SHB: variants seen among roughly 807,000 people sequenced by gnomAD.
The protein encoded by SHB is SH2 domain containing adaptor protein B.
SHB carries 20 observed loss-of-function variants against 52.3 expected under a neutral mutation model. The observed-to-expected ratio is 0.38, with a 90% CI of 0.27 to 0.56. SHB has a LOEUF of 0.56. Among genes scored for constraint, SHB ranks in the 20% least tolerant of loss-of-function variants. The pLI, the probability that SHB is intolerant of heterozygous loss-of-function variation, is 0.71. For synonymous variants in SHB, 397 were observed against 316.5 expected (o/e 1.25, Z -2.70); for missense variants, 825 against 723.3 (o/e 1.14, Z -1.61).
At chr9:37,920,099 G>T in intron 5 of SHB, 95 bp from the exon 6 acceptor site, 1 of 980,426 alleles carries the variant, frequency 1.0e-6, no homozygotes, top group Non-Finnish European at 1.6e-6. Context: ...AGGGATCCCA[G>T]CCATGAAGTG....
intron 1 of SHB, among the ~76,000 whole-genome samples, chr9:38,028,577 G>A (rs896896619): frequency 2.0e-5 from 3 of 152,194 alleles, no homozygotes; most frequent in African/African-American, 4.8e-5. Flanking sequence ...CACCAGAATT[G>A]CGAAGAGGAA....
intron 5 of SHB, among the ~76,000 whole-genome samples, chr9:37,939,409 T>C (rs1832411974): frequency 6.6e-6 from 1 of 152,232 alleles, no homozygotes; most frequent in Non-Finnish European, 1.5e-5. Context: ...TTCTGTAAAG[T>C]AGGAGCAATG....
intron 1 of SHB, among the ~76,000 whole-genome samples, chr9:38,041,834 T>C (rs1308536064): frequency 6.6e-6 from 1 of 152,168 alleles, no homozygotes; most frequent in East Asian, 1.9e-4. Context: ...AGTGCAAGCC[T>C]TCTGATTGCC....
At chr9:38,062,908 TAG>T (rs2118196656) in intron 1 of SHB, among the ~76,000 whole-genome samples, 1 of 152,332 alleles carries the variant, frequency 6.6e-6, no homozygotes, top group South Asian at 2.1e-4. Flanking sequence ...AGAGCTACAA[TAG>T]AGACAGCATG....
At chr9:37,994,599 A>T (rs1347220191) in intron 2 of SHB, among the ~76,000 whole-genome samples, 1 of 152,226 alleles carries the variant, frequency 6.6e-6, no homozygotes. Context: ...GGAGAATATT[A>T]ATATCAATTT....
intron 1 of SHB, among the ~76,000 whole-genome samples, chr9:38,057,072 TC>T (rs1821830915): frequency 1.3e-5 from 2 of 152,300 alleles, no homozygotes; most frequent in South Asian, 4.1e-4. Context: ...CCAACAATTC[TC>T]AGAATCAACC....
chr9:37,952,546 TACAG>T (rs1054451586), intron 4 of SHB, among the ~76,000 whole-genome samples: 9 of 152,172 alleles, frequency 5.9e-5, no homozygotes, highest in South Asian at 2.1e-4. Context: ...TGGGAAATCT[TACAG>T]ACAGTCAGTC....
rs554298516 is a variant in SHB, at chr9:38,039,372, C to T, written c.718-23241G>A. Among the ~76,000 whole-genome samples, 4 of 152,364 alleles carry T rather than the reference C, an allele frequency of 2.6e-5. No individual in the cohort carries two copies. In the East Asian group the frequency reaches 5.8e-4, roughly 22 times the overall value. On this transcript the variant is annotated intron_variant, in intron 1 of 5. Transcript: ENST00000377707. ...GAAAGCCTAAGGCAAGACTTTAAAGCGCAGTGGGAACTGCTTAGTCATTAG... is the reference window on the plus strand; with the variant it reads ...GAAAGCCTAAGGCAAGACTTTAAAGTGCAGTGGGAACTGCTTAGTCATTAG...
At chr9:38,023,743 C>T (rs1821309025) in intron 1 of SHB, among the ~76,000 whole-genome samples, 2 of 152,270 alleles carry the variant, frequency 1.3e-5, no homozygotes, top group South Asian at 4.2e-4. Flanking sequence ...TCATAACTCT[C>T]GAGGCACTTC....
At chr9:38,013,778 T>C (rs956494566) in intron 2 of SHB, among the ~76,000 whole-genome samples, 1 of 152,052 alleles carries the variant, frequency 6.6e-6, no homozygotes. Context: ...CCCCCTTCCA[T>C]TCCCGAGTGT....
chr9:38,059,091 C>T (rs1821858575), intron 1 of SHB, among the ~76,000 whole-genome samples: 1 of 152,216 alleles, frequency 6.6e-6, no homozygotes, highest in Non-Finnish European at 1.5e-5. Context: ...ATCCCCAACA[C>T]ACAGCAGGCT....
At chr9:37,958,392 G>A (rs1385204834) in intron 3 of SHB, among the ~76,000 whole-genome samples, 1 of 152,194 alleles carries the variant, frequency 6.6e-6, no homozygotes, top group Non-Finnish European at 1.5e-5. Flanking sequence ...CCTAAGCGCT[G>A]GAAGGATGGG....
chr9:38,021,190 A>T (rs1029822940), intron 1 of SHB, among the ~76,000 whole-genome samples: 1 of 152,082 alleles, frequency 6.6e-6, no homozygotes, highest in African/African-American at 2.4e-5. Context: ...ACACAAAAAA[A>T]TTAGCTGGGC....
At chr9:37,951,163 T>G (rs1271259062) in intron 4 of SHB, among the ~76,000 whole-genome samples, 1 of 152,212 alleles carries the variant, frequency 6.6e-6, no homozygotes, top group Non-Finnish European at 1.5e-5. Flanking sequence ...GTGAGTGTCC[T>G]TGTCCAGTGG....
intron 5 of SHB, among the ~76,000 whole-genome samples, chr9:37,932,590 T>C (rs1486314847): frequency 6.7e-6 from 1 of 149,408 alleles, no homozygotes; most frequent in East Asian, 2.0e-4. Flanking sequence ...AAGGTAACTA[T>C]GTAAGGTGAG....
chr9:37,996,496 G>A (rs1820947685), intron 2 of SHB, among the ~76,000 whole-genome samples: 1 of 152,204 alleles, frequency 6.6e-6, no homozygotes, highest in African/African-American at 2.4e-5. Flanking sequence ...AAATAAAGCA[G>A]CAGTTCTTTA....
At chr9:37,954,370 A>G (rs1430064465) in intron 4 of SHB, among the ~76,000 whole-genome samples, 1 of 152,192 alleles carries the variant, frequency 6.6e-6, no homozygotes, top group Non-Finnish European at 1.5e-5. Context: ...AGTACGTGAC[A>G]CACACCAGGG....
At position 38,069,225 on chromosome 9, in the gene SHB, A is replaced by G. The variant is rs1188040070; in HGVS notation, c.-580T>C. The G allele has an allele frequency of 6.8e-6, 1 of 146,902 alleles. No individual in the cohort carries two copies. The highest frequency in any genetic ancestry group is 2.5e-5 in the African/African-American group (1 of 39,772). The allele number at this position is 146,902 out of a possible 1,614,324, so 9.1% of individuals were successfully genotyped here. A position where few individuals can be genotyped will look rare whatever the true frequency, so the allele number is the denominator to read the frequency against. On this transcript the variant is annotated 5_prime_UTR_variant, in exon 1 of 6. Coordinates refer to ENST00000377707, the MANE Select transcript of SHB (RefSeq NM_003028.3). ...CGTCCCGGCGGCGCCTGTCGCTGCC[A>G]CTGCCGCCGCCTCCCGAGCCGCCGC...
chr9:37,980,210 T>C (rs1415640763), intron 2 of SHB, among the ~76,000 whole-genome samples: 1 of 152,248 alleles, frequency 6.6e-6, no homozygotes, highest in African/African-American at 2.4e-5. Context: ...TTATAACATT[T>C]TACCCACGGC....
Sources: allele counts gnomAD v4.1 joint callset (sites outside exome capture counted in the v4.1 genomes callset), GRCh38; gene constraint gnomAD v4.1.1; transcripts MANE v1.5; gene names NCBI Gene and HGNC (gene_info 2026-07-23, HGNC 2026-07-21).